AKAP13: variants seen among roughly 807,000 people sequenced by gnomAD.
AKAP13 encodes A-kinase anchor protein 13.
A neutral mutation model predicts 264.5 loss-of-function variants in AKAP13; 80 were observed. The observed-to-expected ratio is 0.30, with a 90% CI of 0.25 to 0.36. The LOEUF is 0.36. Among genes scored for constraint, AKAP13 ranks in the 10% least tolerant of loss-of-function variants. The probability of loss-of-function intolerance (pLI) is 1.00; values close to 1 mark genes in which losing one functional copy is unlikely to be tolerated. For synonymous variants in AKAP13, 1,380 were observed against 1,250.2 expected, an observed-to-expected ratio of 1.10 and a Z score of -2.19; for missense variants, 3,712 against 3,435.2, an observed-to-expected ratio of 1.08 and a Z score of -2.01.
At chr15:85,630,753 C>T (rs2081743731) in intron 8 of AKAP13, among the ~76,000 whole-genome samples, 1 of 151,954 alleles carries the variant, frequency 6.6e-6, no homozygotes, top group Admixed American at 6.6e-5. Flanking sequence ...GCACCCATGT[C>T]ACACCTACTG....
At chr15:85,631,502 T>TCTCTCTCTCA (rs1372440393) in intron 8 of AKAP13, among the ~76,000 whole-genome samples, 1 of 140,958 alleles carries the variant, frequency 7.1e-6, no homozygotes, top group African/African-American at 2.7e-5. Context: ...TCTCTCTCTC[T>TCTCTCTCTCA]CACACACACA....
chr15:85,512,214 C>G (rs7173125), intron 2 of AKAP13, among the ~76,000 whole-genome samples: 77,054 of 151,920 alleles, frequency 0.51, 20,329 homozygotes, highest in East Asian at 0.74. Flanking sequence ...TTTTTGCTTT[C>G]CATAAGCCTC....
chr15:85,512,742 A>G (rs899418607), intron 2 of AKAP13, among the ~76,000 whole-genome samples: 1 of 152,224 alleles, frequency 6.6e-6, no homozygotes, highest in African/African-American at 2.4e-5. Context: ...AGGCATTCAG[A>G]AAATGCAGTA....
chr15:85,453,941 TC>T (rs1396267680), intron 1 of AKAP13, among the ~76,000 whole-genome samples: 8 of 152,214 alleles, frequency 5.3e-5, no homozygotes, highest in African/African-American at 1.2e-4. Flanking sequence ...TGCTGGGGCA[TC>T]CCTTCTGTTC....
chr15:85,577,495 T>C (rs1295444140), intron 6 of AKAP13, among the ~76,000 whole-genome samples: 5 of 152,378 alleles, frequency 3.3e-5, no homozygotes, highest in Admixed American at 3.3e-4. Context: ...TTTTTGCATA[T>C]TTATAAACTT....
intron 2 of AKAP13, among the ~76,000 whole-genome samples, chr15:85,500,755 A>C (rs957175966): frequency 5.9e-5 from 9 of 152,146 alleles, no homozygotes; most frequent in African/African-American, 2.2e-4. Flanking sequence ...AAGTATAGAG[A>C]ATGTCACCTG....
intron 2 of AKAP13, among the ~76,000 whole-genome samples, chr15:85,498,199 G>GATATATATATATATATATCTATATAT (rs2075933408): frequency 1.5e-5 from 2 of 133,086 alleles, no homozygotes; most frequent in African/African-American, 5.7e-5. Flanking sequence ...AATGAAGTGA[G>GATATATATATATATATATCTATATAT]ATATATATAT....
intron 8 of AKAP13, among the ~76,000 whole-genome samples, chr15:85,635,487 A>G (rs935535179): frequency 1.3e-5 from 2 of 152,068 alleles, no homozygotes; most frequent in Non-Finnish European, 2.9e-5. Flanking sequence ...TAATTGTTTT[A>G]TAAATATTTT....
In AKAP13 at chr15:85,593,264, A is replaced by T. The variant is rs533752384; in HGVS notation, c.4161+7441A>T. 1.6e-4 allele frequency among the ~76,000 whole-genome samples: 24 copies of T among 152,292 alleles called. No homozygotes were observed. The South Asian group carries it at 5.0e-3, about 32-fold the overall frequency. Reference sequence around the variant, plus strand: ...GAGGTGGAGGTTGCAGTGAGCCAAGATTGCACCACTGCCCTCCAGCCTGGA... The same window carrying T: ...GAGGTGGAGGTTGCAGTGAGCCAAGTTTGCACCACTGCCCTCCAGCCTGGA... On this transcript the variant is annotated intron_variant, in intron 8 of 36. Coordinates refer to ENST00000394518, the MANE Select transcript of AKAP13 (RefSeq NM_007200.5).
rs3169120 is a variant in AKAP13, at chr15:85,748,224, T to C, written c.*3547T>C. ...GCCCAGAGGACAGCCAGGCAGGCCCTGGGAGGGAGTTTAGAAAGACAGTCC... is the reference window on the plus strand; with the variant it reads ...GCCCAGAGGACAGCCAGGCAGGCCCCGGGAGGGAGTTTAGAAAGACAGTCC... On this transcript the variant is annotated 3_prime_UTR_variant, in exon 37 of 37. Transcript: ENST00000394518. 60,003 of 152,122 alleles carry C rather than the reference T, an allele frequency of 0.39. 13,433 individuals carry two copies. The highest frequency in any genetic ancestry group is 0.56 in the Middle Eastern group (166 of 294). The allele number at this position is 152,122 out of a possible 1,614,324, so 9.4% of individuals were successfully genotyped here.
At chr15:85,518,282 G>A (rs890237778) in intron 2 of AKAP13, among the ~76,000 whole-genome samples, 1 of 152,162 alleles carries the variant, frequency 6.6e-6, no homozygotes, top group Non-Finnish European at 1.5e-5. Context: ...TCAAGTAATA[G>A]TAGGTACCTG....
At chr15:85,613,691 A>AAAAATATATATAT (rs1313187436) in intron 8 of AKAP13, among the ~76,000 whole-genome samples, 7 of 91,968 alleles carry the variant, frequency 7.6e-5, no homozygotes, top group Admixed American at 2.0e-4. Context: ...AAAAAAAAAA[A>AAAAATATATATAT]ATATATATAT....
intron 29 of AKAP13, among the ~76,000 whole-genome samples, chr15:85,730,191 G>C (rs1437321597): frequency 6.6e-6 from 1 of 152,202 alleles, no homozygotes; most frequent in Non-Finnish European, 1.5e-5. Flanking sequence ...GTTGAGCTGG[G>C]AAAGCAGTTG....
intron 8 of AKAP13, among the ~76,000 whole-genome samples, chr15:85,621,069 T>G (rs926016582): frequency 3.3e-5 from 5 of 152,170 alleles, no homozygotes; most frequent in Non-Finnish European, 7.3e-5. Context: ...TGAGGGTCAT[T>G]TTAAGCAAAG....
chr15:85,387,666 AGTTAGG>A (rs2070644528), intron 1 of AKAP13, among the ~76,000 whole-genome samples: 1 of 87,678 alleles, frequency 1.1e-5, no homozygotes, highest in Non-Finnish European at 3.8e-5. Context: ...GCTGGAAATC[AGTTAGG>A]GGGCAATTGA....
In AKAP13 at chr15:85,580,679, G is replaced by A; in HGVS notation, c.2611G>A (p.Glu871Lys). 6.2e-7 allele frequency: 1 copy of A among 1,614,210 alleles called. No individual in the cohort carries two copies. Among genetic ancestry groups the A allele is most frequent in the Non-Finnish European group, 8.5e-7 (1 of 1,180,034 alleles). ...GNTSLTGLGG[E>K]HEGPAPPAIP... is the part of the protein sequence containing the mutation. ...TACCAGTCTCACAGGACTTGGTGGA[G>A]AGCATGAGGGTCCCGCCCCTCCAGC... Residue 871 changes from glutamate (E) to lysine (K), a missense_variant, in exon 7 of 37, where the codon GAG (glutamate) becomes AAG (lysine). This residue lies in a region of AKAP13 where 2,759 missense variants were observed against 2,411.7 expected (regional missense o/e 1.14). Coordinates refer to ENST00000394518, the MANE Select transcript of AKAP13 (RefSeq NM_007200.5).
At chr15:85,678,519 CA>C in intron 14 of AKAP13, among the ~76,000 whole-genome samples, 1 of 152,082 alleles carries the variant, frequency 6.6e-6, no homozygotes. Context: ...TGTGAAAATC[CA>C]CTCTAACTTT....
At chr15:85,680,584 G>C (rs1048170706) in intron 14 of AKAP13, among the ~76,000 whole-genome samples, 23 of 152,150 alleles carry the variant, frequency 1.5e-4, no homozygotes, top group African/African-American at 5.3e-4. Flanking sequence ...TTTAAATTTA[G>C]CCAGGTGCAA....
chr15:85,694,811 A>G (rs1338866070), intron 17 of AKAP13, among the ~76,000 whole-genome samples: 4 of 152,246 alleles, frequency 2.6e-5, no homozygotes, highest in African/African-American at 9.6e-5. Context: ...TACTATATCT[A>G]TAACCAATTC....
Sources: allele counts gnomAD v4.1 joint callset (sites outside exome capture counted in the v4.1 genomes callset), GRCh38; gene constraint gnomAD v4.1.1; regional missense constraint gnomAD v4.1.1; transcripts MANE v1.5; gene names NCBI Gene and HGNC (gene_info 2026-07-23, HGNC 2026-07-21).